The following GPC6 variants were observed in gnomAD, a reference collection of about 807,000 sequenced individuals.
The protein encoded by GPC6 is glypican-6.
Under a neutral mutation model 55.2 loss-of-function variants are expected in GPC6, and 14 were observed. The ratio of observed to expected loss-of-function variants is 0.25; its 90% CI spans 0.17 to 0.40. The LOEUF (loss-of-function observed/expected upper bound fraction) is 0.40, where lower values mean the gene tolerates loss of function less well. GPC6 is among the 10% of genes least tolerant of loss of function. GPC6 has a pLI of 1.00. For synonymous variants in GPC6, 278 were observed against 259.6 expected (o/e 1.07, Z -0.68); for missense variants, 641 against 708.5 (o/e 0.90, Z 1.08).
chr13:93,496,810 A>G (rs1880315144), intron 1 of GPC6, among the ~76,000 whole-genome samples: 1 of 152,220 alleles, frequency 6.6e-6, no homozygotes. Flanking sequence ...TAATAAGTTA[A>G]TATTTGTGAA....
chr13:93,377,833 C>T (rs1874984654), intron 1 of GPC6, among the ~76,000 whole-genome samples: 1 of 152,140 alleles, frequency 6.6e-6, no homozygotes, highest in Non-Finnish European at 1.5e-5. Context: ...GAGAAACTTC[C>T]AAACTGAAGT....
chr13:94,288,586 C>G (rs1489446457), intron 5 of GPC6, among the ~76,000 whole-genome samples: 1 of 150,350 alleles, frequency 6.7e-6, no homozygotes. Flanking sequence ...AACATGGTCT[C>G]TCTCTCTCTC....
intron 3 of GPC6, among the ~76,000 whole-genome samples, chr13:93,848,073 T>C (rs1888261629): frequency 6.6e-6 from 1 of 152,212 alleles, no homozygotes; most frequent in South Asian, 2.1e-4. Flanking sequence ...GTCAATTTAA[T>C]GTCAGCATCC....
intron 1 of GPC6, among the ~76,000 whole-genome samples, chr13:93,298,928 T>G (rs1160066406): frequency 6.6e-6 from 1 of 151,554 alleles, no homozygotes; most frequent in African/African-American, 2.4e-5. Flanking sequence ...ATTAGTCACA[T>G]GGTGTCTCAT....
At chr13:94,293,837 CA>C in intron 5 of GPC6, among the ~76,000 whole-genome samples, 2 of 152,306 alleles carry the variant, frequency 1.3e-5, no homozygotes, top group East Asian at 3.9e-4. Flanking sequence ...GCTGTTTCCT[CA>C]GTAATTACCT....
At chr13:93,333,345 T>C (rs375937148) in intron 1 of GPC6, among the ~76,000 whole-genome samples, 36 of 152,248 alleles carry the variant, frequency 2.4e-4, no homozygotes, top group African/African-American at 7.5e-4. Flanking sequence ...ATAATATCCT[T>C]GTATTCTTTT....
intron 2 of GPC6, among the ~76,000 whole-genome samples, chr13:93,664,007 G>A (rs930112499): frequency 1.3e-5 from 2 of 152,134 alleles, no homozygotes; most frequent in Admixed American, 1.3e-4. Flanking sequence ...AACACTCTCA[G>A]CATTAGTCGT....
At chr13:93,405,646 CT>C (rs34596997) in intron 1 of GPC6, among the ~76,000 whole-genome samples, 6 of 149,802 alleles carry the variant, frequency 4.0e-5, no homozygotes, top group African/African-American at 9.8e-5. Context: ...CAATATAATC[CT>C]TTTTTTTTTC....
intron 1 of GPC6, among the ~76,000 whole-genome samples, chr13:93,464,922 A>G (rs1202236230): frequency 6.6e-6 from 1 of 152,176 alleles, no homozygotes; most frequent in Non-Finnish European, 1.5e-5. Flanking sequence ...TGCAGAATGG[A>G]TATTGTGTTA....
At chr13:93,811,681 T>G (rs762529201) in intron 2 of GPC6, among the ~76,000 whole-genome samples, 33 of 152,122 alleles carry the variant, frequency 2.2e-4, no homozygotes, top group Admixed American at 1.4e-3. Context: ...TAGAGCCTCT[T>G]TGCCAGAATT....
intron 4 of GPC6, among the ~76,000 whole-genome samples, chr13:94,241,499 A>G (rs184997381): frequency 7.2e-4 from 110 of 152,270 alleles, no homozygotes; most frequent in Admixed American, 1.8e-3. Context: ...AATCTAGATG[A>G]GTTTTCAGAT....
At chr13:93,291,286 G>A (rs1297311489) in intron 1 of GPC6, among the ~76,000 whole-genome samples, 1 of 152,140 alleles carries the variant, frequency 6.6e-6, no homozygotes, top group Non-Finnish European at 1.5e-5. Context: ...GGCAGTATGA[G>A]TCAAGTGACA....
At chr13:93,788,544 C>CACACACACACACA (rs1555331544) in intron 2 of GPC6, among the ~76,000 whole-genome samples, 2 of 151,054 alleles carry the variant, frequency 1.3e-5, no homozygotes, top group South Asian at 2.1e-4. Context: ...CACACACACA[C>CACACACACACACA]CTTGTCTGCT....
At chr13:93,324,581 T>TACATATATATATATACAC (rs1347218832) in intron 1 of GPC6, among the ~76,000 whole-genome samples, 70 of 101,838 alleles carry the variant, frequency 6.9e-4, no homozygotes, top group African/African-American at 3.2e-3. Context: ...TACACACACA[T>TACATATATATATATACAC]ACATACATAT....
chr13:93,992,967 A>G (rs1342696965), intron 3 of GPC6, among the ~76,000 whole-genome samples: 2 of 151,840 alleles, frequency 1.3e-5, no homozygotes, highest in Non-Finnish European at 2.9e-5. Flanking sequence ...AGAATTCTAT[A>G]AAATTATCAT....
At chr13:93,494,564 T>C (rs1371505874) in intron 1 of GPC6, among the ~76,000 whole-genome samples, 1 of 152,194 alleles carries the variant, frequency 6.6e-6, no homozygotes, top group Non-Finnish European at 1.5e-5. Flanking sequence ...GATCCTGTCA[T>C]TATGATGTTA....
chr13:94,040,298 A>G (rs2138738303), intron 4 of GPC6, among the ~76,000 whole-genome samples: 1 of 151,980 alleles, frequency 6.6e-6, no homozygotes, highest in South Asian at 2.1e-4. Context: ...CATGATTGTC[A>G]CCAACGAAAA....
intron 2 of GPC6, among the ~76,000 whole-genome samples, chr13:93,598,993 G>A (rs1204297317): frequency 6.6e-6 from 1 of 152,130 alleles, no homozygotes; most frequent in African/African-American, 2.4e-5. Context: ...ATTTGCAACA[G>A]TTCTACTCTT....
At chr13:94,000,748 A>G (rs1362177031) in intron 3 of GPC6, among the ~76,000 whole-genome samples, 1 of 152,196 alleles carries the variant, frequency 6.6e-6, no homozygotes. Flanking sequence ...TTTGCAGCAA[A>G]ATGAATTTCA....
Sources: allele counts gnomAD v4.1 joint callset (sites outside exome capture counted in the v4.1 genomes callset), GRCh38; gene constraint gnomAD v4.1.1; transcripts MANE v1.5; gene names NCBI Gene and HGNC (gene_info 2026-07-23, HGNC 2026-07-21).